SLCO6A1: variants seen among roughly 807,000 people sequenced by gnomAD.
SLCO6A1 encodes the protein cancer/testis antigen 48.
In SLCO6A1, 65 loss-of-function variants were observed where a neutral mutation model predicts 72.7. The ratio of observed to expected loss-of-function variants is 0.89; its 90% CI spans 0.73 to 1.10. SLCO6A1 has a LOEUF of 1.10. Among genes scored for constraint, SLCO6A1 ranks in the 50% least tolerant of loss-of-function variants. The pLI, the probability that SLCO6A1 is intolerant of heterozygous loss-of-function variation, is 0.00. For synonymous variants in SLCO6A1, 314 were observed against 298.2 expected (o/e 1.05, Z -0.55); for missense variants, 874 against 872.6 (o/e 1.00, Z -0.02).
chr5:102,477,588 T>C (rs924375518), intron 3 of SLCO6A1, 88 bp downstream of exon 3: 11 of 1,057,056 alleles, frequency 1.0e-5, no homozygotes, highest in Non-Finnish European at 1.1e-5. Flanking sequence ...TAAGGGCCAA[T>C]AGTACTTCTA....
At chr5:102,383,044 T>C (rs1746202208) in intron 12 of SLCO6A1, among the ~76,000 whole-genome samples, 1 of 146,594 alleles carries the variant, frequency 6.8e-6, no homozygotes. Context: ...CATACATGTA[T>C]ATATATGACA....
chr5:102,424,871 C>T (rs1444425698), intron 7 of SLCO6A1, among the ~76,000 whole-genome samples: 2 of 151,958 alleles, frequency 1.3e-5, no homozygotes, highest in Admixed American at 1.3e-4. Flanking sequence ...AAATCCTCAA[C>T]AAAATACTGG....
At chr5:102,439,067 A>G (rs1397398532) in intron 6 of SLCO6A1, among the ~76,000 whole-genome samples, 1 of 152,028 alleles carries the variant, frequency 6.6e-6, no homozygotes, top group Non-Finnish European at 1.5e-5. Flanking sequence ...TAAAGATTAG[A>G]GAAAAATAGG....
intron 10 of SLCO6A1, among the ~76,000 whole-genome samples, chr5:102,393,154 A>G (rs1430541955): frequency 6.6e-6 from 1 of 152,142 alleles, no homozygotes; most frequent in Admixed American, 6.6e-5. Context: ...TTTATCTCCC[A>G]ATAACCACCC....
intron 7 of SLCO6A1, among the ~76,000 whole-genome samples, chr5:102,425,055 G>A (rs1460845388): frequency 1.3e-5 from 2 of 151,998 alleles, no homozygotes; most frequent in Non-Finnish European, 2.9e-5. Context: ...AAATCCCTTC[G>A]ATAAAATTTA....
chr5:102,481,621 T>C (rs1457857919), intron 1 of SLCO6A1, among the ~76,000 whole-genome samples: 2 of 152,198 alleles, frequency 1.3e-5, no homozygotes, highest in African/African-American at 4.8e-5. Flanking sequence ...GTTTATCTTT[T>C]AGACTACTTG....
intron 2 of SLCO6A1, among the ~76,000 whole-genome samples, chr5:102,479,271 C>T (rs1243102672): frequency 2.0e-5 from 3 of 152,114 alleles, no homozygotes; most frequent in Non-Finnish European, 4.4e-5. Context: ...GGCTTGCTTC[C>T]CCTTCAACTT....
intron 9 of SLCO6A1, among the ~76,000 whole-genome samples, chr5:102,411,884 A>G (rs1748005341): frequency 6.6e-6 from 1 of 152,130 alleles, no homozygotes; most frequent in Non-Finnish European, 1.5e-5. Flanking sequence ...ATAACGTAAC[A>G]TTTCTTTCAG....
At chr5:102,488,091 C>A (rs1328970777) in intron 1 of SLCO6A1, among the ~76,000 whole-genome samples, 1 of 152,074 alleles carries the variant, frequency 6.6e-6, no homozygotes, top group African/African-American at 2.4e-5. Context: ...TATAGTCAAC[C>A]AGTTAAGTAG....
At chr5:102,416,052 GA>G (rs1748268006) in intron 8 of SLCO6A1, among the ~76,000 whole-genome samples, 1 of 152,008 alleles carries the variant, frequency 6.6e-6, no homozygotes, top group Non-Finnish European at 1.5e-5. Context: ...AAAGTTAAAA[GA>G]TAACAGATGT....
chr5:102,453,939 A>T (rs1750567553), intron 6 of SLCO6A1, among the ~76,000 whole-genome samples: 1 of 152,232 alleles, frequency 6.6e-6, no homozygotes, highest in Admixed American at 6.5e-5. Context: ...ACTTGTGCTC[A>T]GCCAGGAACC....
At chr5:102,418,060 C>T (rs1303784622) in intron 8 of SLCO6A1, among the ~76,000 whole-genome samples, 1 of 151,330 alleles carries the variant, frequency 6.6e-6, no homozygotes, top group Non-Finnish European at 1.5e-5. Flanking sequence ...GACAGATATT[C>T]TGGGTTGATA....
chr5:102,460,527 T>C (rs1324012878), intron 4 of SLCO6A1, among the ~76,000 whole-genome samples: 2 of 152,142 alleles, frequency 1.3e-5, no homozygotes, highest in African/African-American at 2.4e-5. Flanking sequence ...CAGGGATTTG[T>C]GGAGAATTTT....
intron 4 of SLCO6A1, among the ~76,000 whole-genome samples, chr5:102,461,177 AT>A (rs991825874): frequency 7.2e-5 from 11 of 152,072 alleles, no homozygotes; most frequent in African/African-American, 2.6e-4. Context: ...GGGAAAAACA[AT>A]ATAATGGTTA....
chr5:102,376,466 T>C (rs1333948197), intron 12 of SLCO6A1, among the ~76,000 whole-genome samples: 1 of 151,938 alleles, frequency 6.6e-6, no homozygotes, highest in Non-Finnish European at 1.5e-5. Flanking sequence ...TAAGTAATAA[T>C]AAAAATAACA....
At chr5:102,426,458 G>A (rs1359043982) in intron 7 of SLCO6A1, among the ~76,000 whole-genome samples, 3 of 152,086 alleles carry the variant, frequency 2.0e-5, no homozygotes, top group Non-Finnish European at 4.4e-5. Flanking sequence ...ACTGGGCAAA[G>A]GATATGAACA....
chr5:102,436,810 A>G (rs1008711922), intron 7 of SLCO6A1, among the ~76,000 whole-genome samples: 3 of 152,196 alleles, frequency 2.0e-5, no homozygotes, highest in Non-Finnish European at 4.4e-5. Context: ...TGTCAAAACC[A>G]AAGTCCTAAC....
chr5:102,411,596 A>AT (rs111501034), intron 9 of SLCO6A1, among the ~76,000 whole-genome samples: 85,201 of 147,976 alleles, frequency 0.58, 24,863 homozygotes, highest in Non-Finnish European at 0.64. Flanking sequence ...CTAAGCTCTG[A>AT]TTTTTTTTTT....
Position 102,477,660 on chromosome 5 carries a change from A to AATTACCCCAAT in SLCO6A1, c.802+15_802+16insATTGGGGTAAT. 6.2e-7 allele frequency: 1 copy of AATTACCCCAAT among 1,601,982 alleles called. No homozygotes were observed. On this transcript the variant is annotated intron_variant, in intron 3 of 13. Transcript: ENST00000506729. Reference sequence around the variant, plus strand: ...ACTCAAAATGGGTCAATCGTAATAGAGGGGGTAAAACTTGCCTAAATAGAT... The same window carrying AATTACCCCAAT: ...ACTCAAAATGGGTCAATCGTAATAGAATTACCCCAATGGGGGTAAAACTTGCCTAAATAGAT...
Sources: allele counts gnomAD v4.1 joint callset (sites outside exome capture counted in the v4.1 genomes callset), GRCh38; gene constraint gnomAD v4.1.1; transcripts MANE v1.5; gene names NCBI Gene and HGNC (gene_info 2026-07-23, HGNC 2026-07-21).